Variants in DDX31 observed in about 807,000 individuals in gnomAD.
DDX31 encodes the protein ATP-dependent DNA helicase DDX31.
A neutral mutation model predicts 91.3 loss-of-function variants in DDX31; 70 were observed. The observed-to-expected ratio is 0.77, with a 90% CI of 0.63 to 0.94. DDX31 has a LOEUF of 0.94. DDX31 is among the 40% of genes least tolerant of loss of function. The pLI is 0.00. For missense variants in DDX31, 902 were observed against 925.0 expected, an observed-to-expected ratio of 0.98 and a Z score of 0.32; for synonymous variants, 362 against 350.6, an observed-to-expected ratio of 1.03 and a Z score of -0.36.
intron 14 of DDX31, among the ~76,000 whole-genome samples, chr9:132,639,602 T>C (rs914956345): frequency 6.6e-6 from 1 of 152,236 alleles, no homozygotes; most frequent in African/African-American, 2.4e-5. Context: ...AAAGTGATTG[T>C]ATGCTTTTGA....
At chr9:132,638,402 G>C in intron 14 of DDX31, 3 of 1,614,064 alleles carry the variant, frequency 1.9e-6, no homozygotes, top group Non-Finnish European at 2.5e-6. Context: ...AGATAATCCA[G>C]TGTCTGATAT....
At chr9:132,654,168 G>A (rs960225028) in intron 6 of DDX31, among the ~76,000 whole-genome samples, 11 of 152,070 alleles carry the variant, frequency 7.2e-5, no homozygotes, top group Admixed American at 2.0e-4. Context: ...TATTACCTAA[G>A]AATTTTAAAT....
Position 132,652,455 on chromosome 9 carries a change from G to A in DDX31, c.626C>T (p.Thr209Met), listed in dbSNP as rs759684487. ...AAAAGGGAGCCTGCTTACCTCTCTC[G>A]TTGGCACGAGCACCAGGGCATAGGG... ...DGPYALVLVP[T>M]RELALQSFDT... Residue 209 changes from threonine (T) to methionine (M), a missense_variant, in exon 7 of 20, where the codon ACG becomes ATG. Physicochemically the swap from Thr to Met is moderately conservative, Grantham distance 81. Transcript: ENST00000372159. 2.3e-5 allele frequency: 37 copies of A among 1,614,014 alleles called. No individual in the cohort carries two copies. The highest frequency in any genetic ancestry group is 6.7e-5 in the Admixed American group (4 of 60,010).
intron 19 of DDX31, among the ~76,000 whole-genome samples, chr9:132,598,770 T>C (rs914823838): frequency 6.6e-6 from 1 of 152,258 alleles, no homozygotes; most frequent in Non-Finnish European, 1.5e-5. Flanking sequence ...GTTTCTTCCA[T>C]GTTTTATGGC....
chr9:132,647,037 A>C lies in DDX31; in HGVS notation c.989T>G (p.Ile330Ser), dbSNP rs201836014. 1.3e-5 allele frequency: 21 copies of C among 1,613,652 alleles called. No homozygotes were observed. Among genetic ancestry groups the C allele is most frequent in the Middle Eastern group, 1.6e-4 (1 of 6,082 alleles). The change falls in exon 12 of 20, where the codon ATC becomes AGC. Residue 330 changes from isoleucine (I) to serine (S), a missense_variant. By Grantham distance (142) the Ile-to-Ser change is moderately radical. Coordinates refer to ENST00000372159, the MANE Select transcript of DDX31 (RefSeq NM_022779.9). ...AATACTGACTGGATCATGCAAACTG[A>C]TATCAGCTAGCCGCGTTACACCTTG... Reference protein sequence around the residue: ...LTEGVTRLADISLHDPVSISV... With the variant: ...LTEGVTRLADSSLHDPVSISV...
At chr9:132,666,462 GT>G (rs1835311779) in intron 1 of DDX31, among the ~76,000 whole-genome samples, 1 of 151,888 alleles carries the variant, frequency 6.6e-6, no homozygotes, top group Admixed American at 6.6e-5. Context: ...TTATGAGTGG[GT>G]TTTTAAAAAT....
At chr9:132,615,044 G>T (rs1421946862) in intron 18 of DDX31, among the ~76,000 whole-genome samples, 1 of 152,132 alleles carries the variant, frequency 6.6e-6, no homozygotes, top group East Asian at 1.9e-4. Flanking sequence ...GGGGCTGTGG[G>T]ACCCACACAA....
chr9:132,614,641 C>T (rs1045072939), intron 18 of DDX31, among the ~76,000 whole-genome samples: 1 of 152,194 alleles, frequency 6.6e-6, no homozygotes, highest in Non-Finnish European at 1.5e-5. Flanking sequence ...AGTCCCTGGG[C>T]TTCCACCCTG....
In DDX31 at chr9:132,662,414, G is replaced by A. The variant is rs560280453; in HGVS notation, c.332+25C>T. The A allele has an allele frequency of 9.8e-4, 1,576 of 1,613,514 alleles. 31 individuals are homozygous for A. The South Asian group carries it at 0.017, about 17-fold the overall frequency. On this transcript the variant is annotated intron_variant, in intron 2 of 19. Coordinates refer to ENST00000372159, the MANE Select transcript of DDX31 (RefSeq NM_022779.9). The stretch of plus-strand genomic sequence containing the variant: ...AGGCAGAACACATTTTTTTCTTCCT[G>A]AAGGGCATCCGCCCCTGGACATACC...
intron 1 of DDX31, among the ~76,000 whole-genome samples, chr9:132,665,260 G>A (rs1401675285): frequency 2.0e-5 from 3 of 152,120 alleles, no homozygotes; most frequent in East Asian, 1.9e-4. Flanking sequence ...AGCTGGATAC[G>A]GTTCTACTAC....
chr9:132,614,103 C>T (rs540296156), intron 18 of DDX31, among the ~76,000 whole-genome samples: 1 of 152,242 alleles, frequency 6.6e-6, no homozygotes, highest in South Asian at 2.1e-4. Flanking sequence ...ACATAATATC[C>T]CAGCAGCACC....
At chr9:132,632,295 CACAG>C (rs1407401739) in intron 14 of DDX31, among the ~76,000 whole-genome samples, 60 of 132,696 alleles carry the variant, frequency 4.5e-4, no homozygotes, top group African/African-American at 1.6e-3. Flanking sequence ...CACACACACA[CACAG>C]TCCTGCATAC....
chr9:132,665,652 T>C (rs1835257210), intron 1 of DDX31, among the ~76,000 whole-genome samples: 1 of 152,220 alleles, frequency 6.6e-6, no homozygotes, highest in African/African-American at 2.4e-5. Context: ...TTTGAGTCTC[T>C]GTTGCCGCAC....
At chr9:132,604,430 C>T (rs1830895445) in intron 19 of DDX31, among the ~76,000 whole-genome samples, 1 of 152,212 alleles carries the variant, frequency 6.6e-6, no homozygotes, top group South Asian at 2.1e-4. Context: ...TCTTGGCTAT[C>T]ATCTGTGCAG....
chr9:132,631,669 C>T (rs1443453417), intron 15 of DDX31, among the ~76,000 whole-genome samples: 2 of 152,206 alleles, frequency 1.3e-5, no homozygotes, highest in African/African-American at 2.4e-5. Context: ...TGCAGGTCAA[C>T]GTACACGGAC....
intron 13 of DDX31, among the ~76,000 whole-genome samples, chr9:132,643,590 C>T (rs935954014): frequency 6.6e-6 from 1 of 152,094 alleles, no homozygotes; most frequent in African/African-American, 2.4e-5. Context: ...CTTTGCTAAT[C>T]CTCACAACAA....
rs116194777 is a variant in DDX31, at chr9:132,634,947, C to T, written c.1441-2856G>A. On this transcript the variant is annotated intron_variant, in intron 14 of 19. Transcript: ENST00000372159. ...ACGCACTCCGTTGTGTCTCTGTAGA[C>T]TTCCTTAGTTTGGAACCACACCCCT... 7.1e-3 allele frequency among the ~76,000 whole-genome samples: 1,088 copies of T among 152,298 alleles called. 13 individuals are homozygous for T. The highest frequency in any genetic ancestry group is 0.025 in the African/African-American group (1,023 of 41,554).
chr9:132,661,678 G>C (rs920868215), intron 3 of DDX31, among the ~76,000 whole-genome samples: 1 of 152,178 alleles, frequency 6.6e-6, no homozygotes, highest in Non-Finnish European at 1.5e-5. Context: ...AGCTGTAACC[G>C]AAAGTGCAGA....
At chr9:132,644,154 G>A (rs1045197328) in intron 13 of DDX31, among the ~76,000 whole-genome samples, 8 of 152,004 alleles carry the variant, frequency 5.3e-5, no homozygotes, top group Non-Finnish European at 1.2e-4. Context: ...AGAAAACACA[G>A]GGATACTATA....
Sources: gnomAD v4.1 joint callset for allele counts (sites outside exome capture counted in the v4.1 genomes callset) on GRCh38, gnomAD v4.1.1 for gene constraint, MANE v1.5 for transcripts, NCBI Gene and HGNC (gene_info 2026-07-23, HGNC 2026-07-21) for gene names.